MICAL2: variants seen among roughly 807,000 people sequenced by gnomAD.
The protein encoded by MICAL2 is [F-actin]-monooxygenase MICAL2.
Under a neutral mutation model 127.3 loss-of-function variants are expected in MICAL2, and 77 were observed. The ratio of observed to expected loss-of-function variants is 0.60; its 90% CI spans 0.50 to 0.73. MICAL2 has a LOEUF of 0.73. Ranked by LOEUF, MICAL2 falls within the 30% of genes least tolerant of loss-of-function variation. The pLI is 0.00. For synonymous variants in MICAL2, 570 were observed against 551.1 expected (o/e 1.03, Z -0.48); for missense variants, 1,351 against 1,434.4 (o/e 0.94, Z 0.94).
At chr11:12,290,435 G>A (rs1863883143), downstream of MICAL2, among the ~76,000 whole-genome samples, 1 of 152,138 alleles carries the variant, frequency 6.6e-6, no homozygotes, top group Non-Finnish European at 1.5e-5. Flanking sequence ...GTTGAGCTGA[G>A]GGGACTTGAG....
downstream of MICAL2, among the ~76,000 whole-genome samples, chr11:12,289,648 A>G (rs902263665): frequency 2.0e-5 from 3 of 146,686 alleles, no homozygotes; most frequent in African/African-American, 7.5e-5. Flanking sequence ...AGCTCACTGC[A>G]ATCTCCGCCT....
chr11:12,255,427 T>C (rs1240951499), intron 22 of MICAL2: 2 of 552,540 alleles, frequency 3.6e-6, no homozygotes, highest in African/African-American at 3.8e-5. Context: ...AGAGTACTTG[T>C]GTTTTTGCGG....
intron 1 of MICAL2, among the ~76,000 whole-genome samples, chr11:12,132,056 G>A (rs142552915): frequency 7.2e-5 from 11 of 152,218 alleles, no homozygotes; most frequent in Admixed American, 2.6e-4. Context: ...GCTTGAGGTC[G>A]CACAACAGAC....
intron 3 of MICAL2, among the ~76,000 whole-genome samples, chr11:12,183,558 T>C (rs1385832046): frequency 6.6e-6 from 1 of 152,140 alleles, no homozygotes; most frequent in Non-Finnish European, 1.5e-5. Context: ...GGGTCTTAAA[T>C]ATCACTGGTA....
intron 3 of MICAL2, among the ~76,000 whole-genome samples, chr11:12,203,135 G>A (rs1284253957): frequency 1.3e-5 from 2 of 152,178 alleles, no homozygotes; most frequent in Admixed American, 1.3e-4. Flanking sequence ...CCATTGTGCG[G>A]ATATACCACA....
intron 2 of MICAL2, among the ~76,000 whole-genome samples, chr11:12,158,195 A>T (rs1425958019): frequency 1.3e-5 from 2 of 152,122 alleles, no homozygotes; most frequent in African/African-American, 2.4e-5. Flanking sequence ...CATATTCTAA[A>T]AAAAAAAGAA....
upstream of MICAL2, among the ~76,000 whole-genome samples, chr11:12,272,763 G>T (rs1349810887): frequency 6.6e-6 from 1 of 152,206 alleles, no homozygotes; most frequent in Non-Finnish European, 1.5e-5. Context: ...TTGGCTCCAG[G>T]TCTGTTCCAT....
chr11:12,300,335 T>A (rs921348314), intron 29 of MICAL2, among the ~76,000 whole-genome samples: 1 of 152,138 alleles, frequency 6.6e-6, no homozygotes, highest in African/African-American at 2.4e-5. Context: ...GGTGGGAACA[T>A]AAATATGATG....
At chr11:12,319,174 C>T (rs898921124) in intron 29 of MICAL2, among the ~76,000 whole-genome samples, 4 of 152,008 alleles carry the variant, frequency 2.6e-5, no homozygotes, top group African/African-American at 9.7e-5. Flanking sequence ...GACATTCTGA[C>T]GCCAGCTCTT....
At chr11:12,300,285 A>T (rs951253712) in intron 29 of MICAL2, among the ~76,000 whole-genome samples, 1 of 151,860 alleles carries the variant, frequency 6.6e-6, no homozygotes, top group Non-Finnish European at 1.5e-5. Flanking sequence ...CAAGAGCAAA[A>T]CTCCATCTCA....
intron 24 of MICAL2, among the ~76,000 whole-genome samples, chr11:12,269,948 C>A (rs77089881): frequency 2.6e-4 from 40 of 152,352 alleles, no homozygotes; most frequent in African/African-American, 9.4e-4. Context: ...TGGTTCACCC[C>A]CTGAAGATCC....
chr11:12,304,741 AATTAGGCAGTCTGT>A (rs1451850602), intron 29 of MICAL2, among the ~76,000 whole-genome samples: 1 of 151,594 alleles, frequency 6.6e-6, no homozygotes, highest in Non-Finnish European at 1.5e-5. Context: ...TTTTGTTATA[AATTAGGCAGTCTGT>A]TTTGGGTCCT....
intron 2 of MICAL2, among the ~76,000 whole-genome samples, chr11:12,148,571 G>A (rs1302723218): frequency 6.6e-6 from 1 of 152,116 alleles, no homozygotes; most frequent in African/African-American, 2.4e-5. Flanking sequence ...TTGACAAAGG[G>A]CAGCCACACT....
chr11:12,158,435 A>G (rs1854422066), intron 2 of MICAL2, among the ~76,000 whole-genome samples: 1 of 152,130 alleles, frequency 6.6e-6, no homozygotes, highest in Admixed American at 6.5e-5. Context: ...TGAGGAGAAC[A>G]GGTGGCCCTC....
At chr11:12,260,588 C>T (rs571142490) in intron 26 of MICAL2, 129 of 991,344 alleles carry the variant, frequency 1.3e-4, no homozygotes, top group Middle Eastern at 5.1e-4. Context: ...AGATTTTACA[C>T]GCATGAAAAT....
chr11:12,124,226 G>A (rs72862677), intron 1 of MICAL2, among the ~76,000 whole-genome samples: 12,409 of 152,002 alleles, frequency 0.082, 578 homozygotes, highest in Admixed American at 0.13. Context: ...CTTCCACAGC[G>A]TCACCCAAGT....
Position 12,244,096 on chromosome 11 carries a change from C to T in MICAL2, c.2768C>T (p.Ala923Val). The change falls in exon 21 of 28, where the codon GCT (alanine) becomes GTT (valine). Residue 923 changes from alanine to valine, a missense_variant. Ala to Val is a moderately conservative substitution (Grantham distance 64, BLOSUM62 0). Coordinates refer to ENST00000683283, the MANE Select transcript of MICAL2 (RefSeq NM_001282663.2). ...ASSSPSTVDS[A>V]SPARKEKKSP... is the part of the protein sequence containing the mutation. ...TCCTCTCCATCAACTGTTGACTCTGCTTCTCCTGCCAGAAAGGTAGTTGTC... is the reference window on the plus strand; with the variant it reads ...TCCTCTCCATCAACTGTTGACTCTGTTTCTCCTGCCAGAAAGGTAGTTGTC... 1.2e-6 allele frequency: 2 copies of T among 1,614,258 alleles called. No homozygotes were observed. The highest frequency in any genetic ancestry group is 1.3e-5 in the African/African-American group (1 of 75,066).
intron 7 of MICAL2, 106 bp downstream of exon 7, chr11:12,213,516 C>A: frequency 8.6e-7 from 1 of 1,160,330 alleles, no homozygotes; most frequent in Non-Finnish European, 1.2e-6. Context: ...CCTCGAGGGA[C>A]TCACTCTGAT....
intron 15 of MICAL2, among the ~76,000 whole-genome samples, chr11:12,228,892 C>A (rs1473506861): frequency 6.6e-6 from 1 of 152,064 alleles, no homozygotes; most frequent in Non-Finnish European, 1.5e-5. Flanking sequence ...GAGAATAGGA[C>A]CAGAGTGAAG....
Sources: gnomAD v4.1 joint callset for allele counts (sites outside exome capture counted in the v4.1 genomes callset) on GRCh38, gnomAD v4.1.1 for gene constraint, MANE v1.5 for transcripts, NCBI Gene and HGNC (gene_info 2026-07-23, HGNC 2026-07-21) for gene names.